SLC16A3: variants seen among roughly 807,000 people sequenced by gnomAD.
SLC16A3 encodes monocarboxylate transporter 4.
In SLC16A3, 22 loss-of-function variants were observed where a neutral mutation model predicts 25.0. The observed-to-expected ratio is 0.88, with a 90% CI of 0.63 to 1.26. SLC16A3 has a LOEUF of 1.26. Ranked by LOEUF, SLC16A3 falls within the 50% of genes most tolerant of loss-of-function variation. The pLI, the probability that SLC16A3 is intolerant of heterozygous loss-of-function variation, is 0.00. For missense variants in SLC16A3, 731 were observed against 666.6 expected (o/e 1.10, Z -1.06); for synonymous variants, 390 against 309.2 (o/e 1.26, Z -2.74).
In SLC16A3 at chr17:82,239,791, T is replaced by C; in HGVS notation, c.*815T>C. The C allele has an allele frequency of 2.5e-6, 1 of 398,306 alleles. No individual in the cohort carries two copies. The highest frequency in any genetic ancestry group is 1.4e-4 in the South Asian group (1 of 7,064). The allele number at this position is 398,306 out of a possible 1,614,324, so 24.7% of individuals were successfully genotyped here. ...AACAGGACCCTCCTGCCTTCCCTTT[T>C]TCGCCCCTCTGCCTGGCTGGCAGTG... On this transcript the variant is annotated 3_prime_UTR_variant, in exon 5 of 5. Coordinates refer to ENST00000582743, the MANE Select transcript of SLC16A3 (RefSeq NM_004207.4).
intron 1 of SLC16A3, among the ~76,000 whole-genome samples, chr17:82,233,043 C>T (rs1011042244): frequency 1.1e-4 from 17 of 152,076 alleles, no homozygotes; most frequent in Middle Eastern, 3.2e-3. Flanking sequence ...CCTGGAACAC[C>T]GGGCAGTCTG....
intron 1 of SLC16A3, chr17:82,229,509 G>C (rs2050459954): frequency 6.6e-6 from 1 of 152,452 alleles, no homozygotes; most frequent in Non-Finnish European, 1.5e-5. Context: ...AGCCCTCCCT[G>C]TATGGGTGGC....
In SLC16A3 at chr17:82,238,865, C is replaced by A; in HGVS notation, c.1287C>A (p.Leu429=). 1 of 1,611,806 alleles carries A rather than the reference C, an allele frequency of 6.2e-7. No individual in the cohort carries two copies. The highest frequency in any genetic ancestry group is 8.5e-7 in the Non-Finnish European group (1 of 1,179,126). The change falls in exon 5 of 5, where the codon CTC becomes CTA. Residue 429 remains leucine (L), a synonymous_variant. Transcript: ENST00000582743. Reference sequence around the variant, plus strand: ...TGGCGGCCGCGGAGGAGGAGAAGCTCCACAAGCCTCCTGCAGACTCGGGGG... The same window carrying A: ...TGGCGGCCGCGGAGGAGGAGAAGCTACACAAGCCTCCTGCAGACTCGGGGG... ...PEVAAAEEEK[L]HKPPADSGVD... is the part of the protein sequence containing the mutation.
chr17:82,233,504 CA>C (rs2050534137), intron 1 of SLC16A3, among the ~76,000 whole-genome samples: 1 of 152,178 alleles, frequency 6.6e-6, no homozygotes, highest in African/African-American at 2.4e-5. Context: ...CCTGCCTCCC[CA>C]CACGCCCTCG....
At position 82,236,117 on chromosome 17, in the gene SLC16A3, G is replaced by GC; in HGVS notation, c.111dup (p.Phe38LeufsTer119). 3 of 1,613,170 alleles carry GC rather than the reference G, an allele frequency of 1.9e-6. No homozygotes were observed. The highest frequency in any genetic ancestry group is 2.5e-6 in the Non-Finnish European group (3 of 1,179,954). On this transcript the variant is annotated frameshift_variant, in exon 2 of 5. Coordinates refer to ENST00000582743, the MANE Select transcript of SLC16A3 (RefSeq NM_004207.4). LOFTEE classifies it high-confidence loss of function. ...TTTCGTCATCACTGGCTTCTCCTAC[G>GC]CCTTCCCCAAGGCCGTCAGTGTCTT...
rs755455940 is a variant in SLC16A3, at chr17:82,237,127, C to T, written c.368-11C>T. The T allele has an allele frequency of 1.4e-5, 21 of 1,497,590 alleles. No homozygotes were observed. The highest frequency in any genetic ancestry group is 1.9e-5 in the Non-Finnish European group (21 of 1,121,906). The allele number at this position is 1,497,590 out of a possible 1,614,324, so 92.8% of individuals were successfully genotyped here. ...CCTTGGGGGGCTCTCACCACATTCC[C>T]TTTCCTCCAGGGTTGGGTTTGGCAC... On this transcript the variant is annotated splice_polypyrimidine_tract_variant and intron_variant, in intron 3 of 4. Coordinates refer to ENST00000582743, the MANE Select transcript of SLC16A3 (RefSeq NM_004207.4).
At chr17:82,232,300 A>G (rs3176827) in intron 1 of SLC16A3, 114,611 of 152,446 alleles carry the variant, frequency 0.75, 43,309 homozygotes, top group East Asian at 0.93. Flanking sequence ...ACGGGCTGAC[A>G]GTCCAGCAGA....
chr17:82,237,958 G>T lies in SLC16A3; in HGVS notation c.1123+65G>T, dbSNP rs2050654699. The T allele has an allele frequency of 3.9e-6, 6 of 1,519,320 alleles. No homozygotes were observed. The East Asian group carries it at 6.9e-5, about 17-fold the overall frequency. The allele number at this position is 1,519,320 out of a possible 1,614,324, so 94.1% of individuals were successfully genotyped here. A position where few individuals can be genotyped will look rare whatever the true frequency, so the allele number is the denominator to read the frequency against. On this transcript the variant is annotated intron_variant, in intron 4 of 4. Transcript: ENST00000582743. ...TTCCCGTCAGACGCCCGCTTTGCGA[G>T]GGGGGGGACGCGCACCCCTCGGCAG...
In SLC16A3 at chr17:82,237,287, C is replaced by G; in HGVS notation, c.517C>G (p.Arg173Gly). 1.9e-6 allele frequency: 3 copies of G among 1,562,956 alleles called. No homozygotes were observed. Among genetic ancestry groups the G allele is most frequent in the Non-Finnish European group, 2.6e-6 (3 of 1,153,904 alleles). ...LSPLGQLLQD[R>G]YGWRGGFLIL... is the part of the protein sequence containing the mutation. ...CCCGCTGGGGCAGCTGCTGCAGGAC[C>G]GCTACGGCTGGCGGGGCGGCTTCCT... Residue 173 changes from arginine (R) to glycine (G), a missense_variant, in exon 4 of 5, where the codon CGC (arginine) becomes GGC (glycine). Physicochemically the swap from Arg to Gly is moderately radical, Grantham distance 125. Transcript: ENST00000582743.
chr17:82,235,513 G>A (rs1330552722), intron 1 of SLC16A3: 1 of 169,442 alleles, frequency 5.9e-6, no homozygotes, highest in South Asian at 1.3e-4. Flanking sequence ...CCTAGATTTA[G>A]ACCGGGAGAG....
At chr17:82,229,439 G>C (rs1363724073) in intron 1 of SLC16A3, 1 of 152,374 alleles carries the variant, frequency 6.6e-6, no homozygotes, top group Non-Finnish European at 1.5e-5. Flanking sequence ...CCCGGTCCGG[G>C]TATAAATAGC....
upstream of SLC16A3, among the ~76,000 whole-genome samples, chr17:82,225,985 C>T (rs1333239971): frequency 6.6e-6 from 1 of 152,008 alleles, no homozygotes; most frequent in Non-Finnish European, 1.5e-5. Flanking sequence ...GGAAGCAGAT[C>T]CCAGCCTCCC....
At position 82,236,053 on chromosome 17, in the gene SLC16A3, C is replaced by G; in HGVS notation, c.45C>G (p.Ala15=). The change falls in exon 2 of 5, where the codon GCC becomes GCG. Residue 15 remains alanine (A), a synonymous_variant. Transcript: ENST00000582743. ...ACGAGGGCCCCACAGGCGTCAAGGC[C>G]CCTGACGGCGGCTGGGGCTGGGCCG... is the stretch of plus-strand genomic sequence containing the variant. ...VVDEGPTGVK[A]PDGGWGWAVL... The G allele has an allele frequency of 3.1e-6, 5 of 1,612,780 alleles. No individual in the cohort carries two copies. Among genetic ancestry groups the G allele is most frequent in the Non-Finnish European group, 4.2e-6 (5 of 1,179,854 alleles).
intron 1 of SLC16A3, among the ~76,000 whole-genome samples, chr17:82,232,796 G>C (rs1048418022): frequency 6.6e-6 from 1 of 152,132 alleles, no homozygotes; most frequent in Admixed American, 6.5e-5. Flanking sequence ...GCTTCCAGCA[G>C]CCTGGGGTCG....
In SLC16A3 at chr17:82,237,252, G is replaced by A. The variant is rs1253539103; in HGVS notation, c.482G>A (p.Cys161Tyr). 5.8e-6 allele frequency: 9 copies of A among 1,563,278 alleles called. No homozygotes were observed. The highest frequency in any genetic ancestry group is 1.4e-5 in the African/African-American group (1 of 73,586). ...LAAAGSPVFL[C>Y]ALSPLGQLLQ... Reference sequence around the variant, plus strand: ...GCAGCAGGTAGCCCTGTCTTCCTGTGTGCCCTGAGCCCGCTGGGGCAGCTG... The same window carrying A: ...GCAGCAGGTAGCCCTGTCTTCCTGTATGCCCTGAGCCCGCTGGGGCAGCTG... Residue 161 changes from cysteine (C) to tyrosine (Y), a missense_variant, in exon 4 of 5, where the codon TGT becomes TAT. Coordinates refer to ENST00000582743, the MANE Select transcript of SLC16A3 (RefSeq NM_004207.4).
At chr17:82,236,262 C>A in intron 2 of SLC16A3, 31 bp downstream of exon 2, 2 of 1,594,520 alleles carry the variant, frequency 1.3e-6, no homozygotes, top group Non-Finnish European at 8.6e-7. Context: ...GGCCCCCTGT[C>A]CGGGGCTCTG....
In SLC16A3 at chr17:82,237,169, G is replaced by C. The variant is rs769329276; in HGVS notation, c.399G>C (p.Ser133=). 2.6e-6 allele frequency: 4 copies of C among 1,511,894 alleles called. No homozygotes were observed. In the East Asian group the frequency reaches 9.5e-5, roughly 36 times the overall value. 93.7% of individuals were successfully genotyped at this position (1,511,894 alleles called of 1,614,324 possible). A position where few individuals can be genotyped will look rare whatever the true frequency, so the allele number is the denominator to read the frequency against. The change falls in exon 4 of 5, where the codon TCG becomes TCC. Residue 133 remains serine (S), a synonymous_variant. Coordinates refer to ENST00000582743, the MANE Select transcript of SLC16A3 (RefSeq NM_004207.4). ...GLGLALNFQP[S]LIMLNRYFSK... ...GTTTGGCACTCAACTTCCAGCCCTC[G>C]CTCATCATGCTGAACCGCTACTTCA...
intron 1 of SLC16A3, chr17:82,231,863 C>CG (rs955762522): frequency 6.6e-6 from 1 of 152,252 alleles, no homozygotes; most frequent in African/African-American, 2.4e-5. Flanking sequence ...GAGGGGTCTG[C>CG]GGGGGTCAGA....
At chr17:82,237,004 C>T (rs1223860959) in intron 3 of SLC16A3, 132 bp downstream of exon 3, 2 of 1,462,710 alleles carry the variant, frequency 1.4e-6, no homozygotes, top group East Asian at 2.4e-5. Flanking sequence ...CCTCGTTGTC[C>T]CCCTCTCGAG....
Sources: allele counts gnomAD v4.1 joint callset (sites outside exome capture counted in the v4.1 genomes callset), GRCh38; gene constraint gnomAD v4.1.1; transcripts MANE v1.5; gene names NCBI Gene and HGNC (gene_info 2026-07-23, HGNC 2026-07-21).